The following DLGAP4 variants were observed in gnomAD, a reference collection of about 807,000 sequenced individuals.
DLGAP4 encodes the protein disks large-associated protein 4.
DLGAP4 carries 18 observed loss-of-function variants against 86.9 expected under a neutral mutation model. The ratio of observed to expected loss-of-function variants is 0.21; its 90% CI spans 0.14 to 0.31. The LOEUF (loss-of-function observed/expected upper bound fraction) is 0.31. Ranked by LOEUF, DLGAP4 falls within the 10% of genes least tolerant of loss-of-function variation. The pLI is 1.00. For missense variants in DLGAP4, 1,085 were observed against 1,362.6 expected, an observed-to-expected ratio of 0.80 and a Z score of 3.21; for synonymous variants, 548 against 574.3, an observed-to-expected ratio of 0.95 and a Z score of 0.65.
chr20:36,364,337 A>G (rs1462995524), intron 1 of DLGAP4, among the ~76,000 whole-genome samples: 1 of 152,060 alleles, frequency 6.6e-6, no homozygotes, highest in Non-Finnish European at 1.5e-5. Flanking sequence ...CTTGAACCCA[A>G]GAATTTGAGG....
intron 2 of DLGAP4, among the ~76,000 whole-genome samples, chr20:36,419,027 C>G (rs966706875): frequency 7.2e-5 from 11 of 152,176 alleles, no homozygotes; most frequent in East Asian, 3.9e-4. Flanking sequence ...AGCGCCACCC[C>G]CTTCTGGATG....
At chr20:36,349,449 C>G (rs1486265315) in intron 1 of DLGAP4, among the ~76,000 whole-genome samples, 2 of 150,456 alleles carry the variant, frequency 1.3e-5, no homozygotes, top group African/African-American at 4.9e-5. Flanking sequence ...GATGGATGTA[C>G]TATTTTAGGT....
chr20:36,398,267 G>A (rs568104509), intron 2 of DLGAP4, among the ~76,000 whole-genome samples: 4 of 152,166 alleles, frequency 2.6e-5, no homozygotes, highest in African/African-American at 7.2e-5. Flanking sequence ...TTCCTGATCC[G>A]GTCTGTGTGT....
At chr20:36,386,547 A>T (rs959069312) in intron 2 of DLGAP4, among the ~76,000 whole-genome samples, 1 of 152,190 alleles carries the variant, frequency 6.6e-6, no homozygotes, top group Non-Finnish European at 1.5e-5. Context: ...GGAACTCACA[A>T]ACCCAAACCC....
intron 7 of DLGAP4, among the ~76,000 whole-genome samples, chr20:36,483,128 A>C (rs1046212790): frequency 9.2e-5 from 14 of 152,366 alleles, no homozygotes; most frequent in African/African-American, 3.4e-4. Context: ...TTGGCAGAGC[A>C]GACTCTGCAG....
At chr20:36,329,155 C>T (rs537936321) in intron 1 of DLGAP4, among the ~76,000 whole-genome samples, 1 of 152,288 alleles carries the variant, frequency 6.6e-6, no homozygotes, top group Admixed American at 6.5e-5. Flanking sequence ...GGTGACCCAC[C>T]CACCTCAGTC....
intron 2 of DLGAP4, among the ~76,000 whole-genome samples, chr20:36,413,469 G>C (rs1035635419): frequency 7.3e-6 from 1 of 137,024 alleles, no homozygotes; most frequent in Non-Finnish European, 1.5e-5. Flanking sequence ...CCAGGCTGGA[G>C]TGCAGTGGCA....
At chr20:36,438,868 C>A (rs1239247484) in intron 4 of DLGAP4, among the ~76,000 whole-genome samples, 2 of 151,974 alleles carry the variant, frequency 1.3e-5, no homozygotes, top group Non-Finnish European at 2.9e-5. Flanking sequence ...AGCTGCCCGC[C>A]TCAGCCTCCC....
chr20:36,470,748 A>G (rs1311116131), intron 7 of DLGAP4, among the ~76,000 whole-genome samples: 1 of 151,680 alleles, frequency 6.6e-6, no homozygotes, highest in Non-Finnish European at 1.5e-5. Flanking sequence ...CTACTTTTCT[A>G]TACCTTGAAT....
chr20:36,323,263 C>T (rs1249588164), intron 1 of DLGAP4, among the ~76,000 whole-genome samples: 1 of 151,820 alleles, frequency 6.6e-6, no homozygotes, highest in African/African-American at 2.4e-5. Flanking sequence ...AATTAATTCC[C>T]CACCTCCCTT....
intron 2 of DLGAP4, among the ~76,000 whole-genome samples, chr20:36,422,501 G>A (rs554632921): frequency 6.6e-5 from 10 of 152,326 alleles, no homozygotes; most frequent in African/African-American, 2.2e-4. Flanking sequence ...AGATCAGTGA[G>A]GGTCTTGATT....
intron 1 of DLGAP4, among the ~76,000 whole-genome samples, chr20:36,310,655 G>T (rs2065046161): frequency 6.6e-6 from 1 of 152,212 alleles, no homozygotes; most frequent in African/African-American, 2.4e-5. Context: ...AGGCTGCACA[G>T]CTGGTGAGGT....
chr20:36,367,598 G>A lies in DLGAP4; in HGVS notation c.-73+323G>A, dbSNP rs534959549. ...CTCTTGCCACACCCAAGCAGGCGGG[G>A]ACAGGTTGTGCACATAGGCTCAGGA... On this transcript the variant is annotated intron_variant, in intron 2 of 12. Transcript: ENST00000339266. 9.2e-5 allele frequency among the ~76,000 whole-genome samples: 14 copies of A among 152,308 alleles called. No individual in the cohort carries two copies. The East Asian group carries it at 2.7e-3, about 29-fold the overall frequency.
At chr20:36,405,944 C>T (rs910341923) in intron 2 of DLGAP4, among the ~76,000 whole-genome samples, 1 of 152,106 alleles carries the variant, frequency 6.6e-6, no homozygotes, top group Non-Finnish European at 1.5e-5. Context: ...GGTGATGAGG[C>T]AGTGACCCAA....
intron 2 of DLGAP4, among the ~76,000 whole-genome samples, chr20:36,413,669 T>A (rs1237421499): frequency 6.6e-6 from 1 of 151,718 alleles, no homozygotes; most frequent in Non-Finnish European, 1.5e-5. Context: ...TCCACCCTCC[T>A]CGATCTCCCA....
chr20:36,506,980 A>T (rs2036410947), intron 10 of DLGAP4, among the ~76,000 whole-genome samples: 1 of 152,206 alleles, frequency 6.6e-6, no homozygotes, highest in East Asian at 1.9e-4. Context: ...CATCCATAGC[A>T]TGTGTCACAA....
chr20:36,505,647 G>A (rs1195933207), intron 10 of DLGAP4, among the ~76,000 whole-genome samples: 2 of 152,090 alleles, frequency 1.3e-5, no homozygotes, highest in Non-Finnish European at 2.9e-5. Context: ...ATGATGGCAT[G>A]TGCCTGTCAT....
chr20:36,420,790 A>G (rs1308341735), intron 2 of DLGAP4, among the ~76,000 whole-genome samples: 3 of 152,058 alleles, frequency 2.0e-5, no homozygotes, highest in Admixed American at 6.5e-5. Flanking sequence ...CCAAACCAAC[A>G]TGGAGAAACC....
intron 2 of DLGAP4, among the ~76,000 whole-genome samples, chr20:36,399,020 C>T (rs1490883354): frequency 6.6e-6 from 1 of 152,118 alleles, no homozygotes; most frequent in Non-Finnish European, 1.5e-5. Context: ...AGGCAAAACC[C>T]TGTGTCTACC....
Sources: allele counts gnomAD v4.1 joint callset (sites outside exome capture counted in the v4.1 genomes callset), GRCh38; gene constraint gnomAD v4.1.1; transcripts MANE v1.5; gene names NCBI Gene and HGNC (gene_info 2026-07-23, HGNC 2026-07-21).